The following AFG1L variants were observed in gnomAD, a reference collection of about 807,000 sequenced individuals.
AFG1L encodes the protein AFG1 like ATPase, also known as AFG1-like ATPase.
In AFG1L, 53 loss-of-function variants were observed where a neutral mutation model predicts 62.2. That is an observed-to-expected ratio of 0.85 (90% CI 0.68 to 1.07). The LOEUF (loss-of-function observed/expected upper bound fraction) is 1.07. Among genes scored for constraint, AFG1L ranks in the 50% least tolerant of loss-of-function variants. The pLI, the probability that AFG1L is intolerant of heterozygous loss-of-function variation, is 0.00. For missense variants in AFG1L, 555 were observed against 590.5 expected (o/e 0.94, Z 0.62); for synonymous variants, 228 against 210.3 (o/e 1.08, Z -0.73).
In AFG1L at chr6:108,371,547, T is replaced by C. The variant is rs1018878769; in HGVS notation, c.748+5215T>C. On this transcript the variant is annotated intron_variant, in intron 6 of 12. Transcript: ENST00000368977. ...CTACCAGGCCAAGCAAATTTTTAAA[T>C]TTTTTGTAGATCTCCCTATGTTGCC... Among the ~76,000 whole-genome samples the C allele has an allele frequency of 7.9e-5, 12 of 152,238 alleles. No homozygotes were observed. In the East Asian group the frequency reaches 2.3e-3, roughly 29 times the overall value.
intron 6 of AFG1L, among the ~76,000 whole-genome samples, chr6:108,395,465 T>C (rs1781253956): frequency 6.9e-6 from 1 of 145,220 alleles, no homozygotes; most frequent in South Asian, 2.3e-4. Context: ...GCAGTGGCAC[T>C]ATCATGACTC....
intron 8 of AFG1L, among the ~76,000 whole-genome samples, chr6:108,473,741 T>C (rs1562182858): frequency 6.6e-6 from 1 of 152,120 alleles, no homozygotes; most frequent in Non-Finnish European, 1.5e-5. Flanking sequence ...GTATTTTTAG[T>C]AGAGACGGGG....
intron 11 of AFG1L, among the ~76,000 whole-genome samples, chr6:108,511,137 A>G (rs71558323): frequency 7.1e-6 from 1 of 141,470 alleles, no homozygotes; most frequent in African/African-American, 2.5e-5. Context: ...GAGGAGGAGG[A>G]GGAGGAGGAG....
chr6:108,462,856 C>T (rs773204205), intron 8 of AFG1L, among the ~76,000 whole-genome samples: 9 of 152,094 alleles, frequency 5.9e-5, no homozygotes, highest in Non-Finnish European at 1.0e-4. Flanking sequence ...TTTAGATTTC[C>T]TTAGAATTTT....
chr6:108,355,864 T>C, intron 4 of AFG1L, 109 bp downstream of exon 4: 1 of 765,712 alleles, frequency 1.3e-6, no homozygotes, highest in East Asian at 2.7e-5. Flanking sequence ...TTGCTTGCAG[T>C]AAGATTTTAT....
chr6:108,405,667 G>A (rs1278330445), intron 7 of AFG1L, among the ~76,000 whole-genome samples: 1 of 152,112 alleles, frequency 6.6e-6, no homozygotes, highest in Non-Finnish European at 1.5e-5. Context: ...ATTTTTAAGG[G>A]TACAGTTCAG....
intron 8 of AFG1L, among the ~76,000 whole-genome samples, chr6:108,471,041 T>C (rs1433354760): frequency 6.6e-6 from 1 of 152,166 alleles, no homozygotes; most frequent in Non-Finnish European, 1.5e-5. Context: ...TAATAAACTA[T>C]TAAACAAGAA....
At chr6:108,396,611 C>T (rs1310063111) in intron 6 of AFG1L, among the ~76,000 whole-genome samples, 3 of 152,120 alleles carry the variant, frequency 2.0e-5, no homozygotes, top group Admixed American at 6.5e-5. Context: ...CTACCTCAGC[C>T]TCCCAGGTAA....
intron 6 of AFG1L, among the ~76,000 whole-genome samples, chr6:108,400,689 TTA>T (rs796516789): frequency 0.12 from 11,737 of 98,946 alleles, 890 homozygotes; most frequent in South Asian, 0.23. Context: ...TATTATATAA[TTA>T]TATATATATT....
intron 6 of AFG1L, among the ~76,000 whole-genome samples, chr6:108,366,929 T>C (rs1779787163): frequency 6.6e-6 from 1 of 152,136 alleles, no homozygotes; most frequent in African/African-American, 2.4e-5. Flanking sequence ...GGGAACATCT[T>C]TCTGCCTGGA....
chr6:108,411,269 G>C (rs186338105), intron 7 of AFG1L, among the ~76,000 whole-genome samples: 21 of 152,326 alleles, frequency 1.4e-4, no homozygotes, highest in South Asian at 4.1e-4. Flanking sequence ...CTGGAAGCTC[G>C]AACTGGGTGG....
intron 7 of AFG1L, among the ~76,000 whole-genome samples, chr6:108,404,607 G>A (rs1023656143): frequency 6.6e-6 from 1 of 151,896 alleles, no homozygotes; most frequent in Non-Finnish European, 1.5e-5. Flanking sequence ...GAGAGACTTA[G>A]GGGATACATC....
intron 1 of AFG1L, 101 bp from the exon 2 acceptor site, chr6:108,323,724 C>G: frequency 1.3e-6 from 1 of 753,380 alleles, no homozygotes; most frequent in Non-Finnish European, 2.2e-6. Flanking sequence ...AATAGATATA[C>G]TTGTAACTAG....
At chr6:108,408,472 T>C (rs994216056) in intron 7 of AFG1L, among the ~76,000 whole-genome samples, 1 of 152,264 alleles carries the variant, frequency 6.6e-6, no homozygotes, top group African/African-American at 2.4e-5. Context: ...AGCATTTTCC[T>C]GTGCTGAACT....
At chr6:108,462,336 C>T (rs1348480100) in intron 8 of AFG1L, among the ~76,000 whole-genome samples, 1 of 149,290 alleles carries the variant, frequency 6.7e-6, no homozygotes, top group African/African-American at 2.5e-5. Context: ...CCCAGGAGGT[C>T]GAGGATGTTG....
intron 9 of AFG1L, 42 bp from the exon 10 acceptor site, chr6:108,477,150 A>C (rs1448897491): frequency 7.7e-7 from 1 of 1,296,600 alleles, no homozygotes; most frequent in Non-Finnish European, 1.1e-6. Flanking sequence ...ATTTTATAGT[A>C]ATTATCCAGA....
chr6:108,397,709 G>A (rs537848101), intron 6 of AFG1L, among the ~76,000 whole-genome samples: 49 of 152,054 alleles, frequency 3.2e-4, no homozygotes, highest in Non-Finnish European at 4.7e-4. Flanking sequence ...GAGAATATGC[G>A]ATGTTTGTCT....
chr6:108,374,035 TG>T (rs1426652486), intron 6 of AFG1L, among the ~76,000 whole-genome samples: 1 of 152,196 alleles, frequency 6.6e-6, no homozygotes, highest in Non-Finnish European at 1.5e-5. Flanking sequence ...CCATTCTGAC[TG>T]GTGTGAGATG....
At chr6:108,506,483 A>G (rs1774424855) in intron 10 of AFG1L, among the ~76,000 whole-genome samples, 1 of 152,212 alleles carries the variant, frequency 6.6e-6, no homozygotes, top group South Asian at 2.1e-4. Flanking sequence ...TGCTGGGATT[A>G]CAGGTGTGAG....
Sources: allele counts gnomAD v4.1 joint callset (sites outside exome capture counted in the v4.1 genomes callset), GRCh38; gene constraint gnomAD v4.1.1; transcripts MANE v1.5; gene names NCBI Gene and HGNC (gene_info 2026-07-23, HGNC 2026-07-21).